C16orf95: variants seen among roughly 807,000 people sequenced by gnomAD.
The protein encoded by C16orf95 is chromosome 16 open reading frame 95.
C16orf95 carries 41 observed loss-of-function variants against 32.1 expected under a neutral mutation model. That is an observed-to-expected ratio of 1.28 (90% CI 1.00 to 1.66). C16orf95 has a LOEUF of 1.66. C16orf95 is among the 40% of genes most tolerant of loss of function. The pLI, the probability that C16orf95 is intolerant of heterozygous loss-of-function variation, is 0.00. For missense variants in C16orf95, 399 were observed against 325.9 expected (o/e 1.22, Z -1.73); for synonymous variants, 147 against 128.9 (o/e 1.14, Z -0.95).
chr16:87,304,991 T>C (rs12149477), intron 6 of C16orf95, among the ~76,000 whole-genome samples: 47,715 of 152,104 alleles, frequency 0.31, 8,613 homozygotes, highest in Non-Finnish European at 0.42. Flanking sequence ...ATCCATGCAG[T>C]GTGATGCAGG....
chr16:87,305,668 G>C lies in C16orf95; in HGVS notation c.701+51C>G. The stretch of plus-strand genomic sequence containing the variant: ...ATGGCCACCAAGCCTCCCTCAGGTG[G>C]ACGTCACCATGCCAGGGCCACCCAC... On this transcript the variant is annotated intron_variant, in intron 6 of 6. Transcript: ENST00000567970. This position sits in a 1 kb window ranked among gnomAD's most constrained non-coding sequence, Gnocchi z 4.2. 7.0e-7 allele frequency: 1 copy of C among 1,430,732 alleles called. No homozygotes were observed. Among genetic ancestry groups the C allele is most frequent in the Non-Finnish European group, 9.2e-7 (1 of 1,090,264 alleles). The allele number at this position is 1,430,732 out of a possible 1,614,324, so 88.6% of individuals were successfully genotyped here.
In C16orf95 at chr16:87,317,124, C is replaced by T; in HGVS notation, c.119G>A (p.Arg40Lys). Residue 40 changes from arginine (R) to lysine (K), a missense_variant, in exon 1 of 7, where the codon AGG becomes AAG. Arg to Lys is a conservative substitution (Grantham distance 26, BLOSUM62 2). Transcript: ENST00000567970. ...CTGCGCGCTGGGTGTGAGTGCCAACCTGCAGAGCCCGACGCACCCCGCGCC... is the reference window on the plus strand; with the variant it reads ...CTGCGCGCTGGGTGTGAGTGCCAACTTGCAGAGCCCGACGCACCCCGCGCC... ...GPGAGCVGLC[R>K]LALTPSAQDG... is the part of the protein sequence containing the mutation. 1.3e-6 allele frequency: 2 copies of T among 1,532,940 alleles called. No homozygotes were observed. The highest frequency in any genetic ancestry group is 1.7e-6 in the Non-Finnish European group (2 of 1,145,082). The allele number at this position is 1,532,940 out of a possible 1,614,324, so 95.0% of individuals were successfully genotyped here.
Position 87,303,051 on chromosome 16 carries a change from C to A in C16orf95, c.*6G>T. On this transcript the variant is annotated 3_prime_UTR_variant, in exon 7 of 7. Coordinates refer to ENST00000567970, the MANE Select transcript of C16orf95 (RefSeq NM_001195124.3). ...CTGTTCTTGACAGTAGCTGAAGATT[C>A]CAACTTCAAACCCCAAAACACTGGC... The A allele has an allele frequency of 6.5e-7, 1 of 1,536,064 alleles. No individual in the cohort carries two copies. The highest frequency in any genetic ancestry group is 8.7e-7 in the Non-Finnish European group (1 of 1,146,874).
intron 6 of C16orf95, chr16:87,303,491 TCTC>T (rs987577647): frequency 2.0e-4 from 37 of 180,622 alleles, no homozygotes; most frequent in African/African-American, 7.6e-4. Context: ...CGCCGAGGCT[TCTC>T]CTGAGATAAG....
At chr16:87,314,701 A>T (rs1242953587) in intron 3 of C16orf95, among the ~76,000 whole-genome samples, 1 of 152,164 alleles carries the variant, frequency 6.6e-6, no homozygotes, top group South Asian at 2.1e-4. Flanking sequence ...TTTTAGAAAA[A>T]ACTGTTTAAA....
At chr16:87,306,210 G>A (rs765801879) in intron 5 of C16orf95, 1 of 228,646 alleles carries the variant, frequency 4.4e-6, no homozygotes, top group African/African-American at 2.3e-5. Flanking sequence ...TTTGGAGCGG[G>A]AGTGGGTGGT....
Position 87,305,757 on chromosome 16 carries a change from G to A in C16orf95, c.663C>T (p.Thr221=). 1 of 1,518,470 alleles carries A rather than the reference G, an allele frequency of 6.6e-7. No homozygotes were observed. Among genetic ancestry groups the A allele is most frequent in the Non-Finnish European group, 8.8e-7 (1 of 1,138,416 alleles). The allele number at this position is 1,518,470 out of a possible 1,614,324, so 94.1% of individuals were successfully genotyped here. ...AARLLPLGLL[T]LLQAIPRVIM... is the part of the protein sequence containing the mutation. ...TGACCCTCGGGATGGCCTGGAGGAG[G>A]GTCAGGAGGCCGAGGGGCAGCAGAC... Residue 221 remains threonine, a synonymous_variant, in exon 6 of 7, where the codon ACC becomes ACT. Coordinates refer to ENST00000567970, the MANE Select transcript of C16orf95 (RefSeq NM_001195124.3). This position sits in a 1 kb window ranked among gnomAD's most constrained non-coding sequence, Gnocchi z 4.2.
chr16:87,310,426 C>T, intron 4 of C16orf95, 93 bp from the exon 5 acceptor site: 6 of 1,278,492 alleles, frequency 4.7e-6, no homozygotes, highest in Non-Finnish European at 6.6e-6. Flanking sequence ...AGGAGGGGCA[C>T]TGGCCAGCTC....
intron 5 of C16orf95, among the ~76,000 whole-genome samples, chr16:87,308,807 T>A (rs147572901): frequency 2.1e-3 from 327 of 152,362 alleles, no homozygotes; most frequent in Non-Finnish European, 3.9e-3. Context: ...CTGCAGCTGA[T>A]CTGGACACAA....
At chr16:87,313,687 T>G (rs1414440955) in intron 3 of C16orf95, among the ~76,000 whole-genome samples, 2 of 152,138 alleles carry the variant, frequency 1.3e-5, no homozygotes, top group Non-Finnish European at 2.9e-5. Context: ...TGAGCCATGA[T>G]TGTGCACTCC....
At chr16:87,307,444 G>A (rs1392000946) in intron 5 of C16orf95, among the ~76,000 whole-genome samples, 1 of 147,122 alleles carries the variant, frequency 6.8e-6, no homozygotes, top group Non-Finnish European at 1.5e-5. Context: ...ACTGCAAAAA[G>A]TTTGTAGAAA....
At chr16:87,314,933 G>A in intron 3 of C16orf95, 38 bp downstream of exon 3, 3 of 1,528,060 alleles carry the variant, frequency 2.0e-6, no homozygotes, top group Non-Finnish European at 2.6e-6. Flanking sequence ...CATTCACCCT[G>A]GACCCTAGGG....
intron 5 of C16orf95, among the ~76,000 whole-genome samples, chr16:87,308,480 A>AAAT (rs1465661455): frequency 1.1e-4 from 3 of 27,096 alleles, no homozygotes; most frequent in Non-Finnish European, 4.3e-4. Flanking sequence ...GCATCTCAAT[A>AAAT]AATAAATAAA....
At chr16:87,315,205 C>T (rs1484737570) in intron 2 of C16orf95, 109 bp from the exon 3 acceptor site, 2 of 1,171,012 alleles carry the variant, frequency 1.7e-6, no homozygotes, top group Non-Finnish European at 1.2e-6. Context: ...TGTCCGGGGG[C>T]AGGGTCCCCA....
chr16:87,317,337 C>T lies in C16orf95; in HGVS notation c.-95G>A. 7.0e-7 allele frequency: 1 copy of T among 1,432,996 alleles called. No homozygotes were observed. The highest frequency in any genetic ancestry group is 9.1e-7 in the Non-Finnish European group (1 of 1,093,570). 88.8% of individuals were successfully genotyped at this position (1,432,996 alleles called of 1,614,324 possible). A position where few individuals can be genotyped will look rare whatever the true frequency, so the allele number is the denominator to read the frequency against. On this transcript the variant is annotated 5_prime_UTR_variant, in exon 1 of 7. Coordinates refer to ENST00000567970, the MANE Select transcript of C16orf95 (RefSeq NM_001195124.3). ...CCTTTCCCTCCTGCCCCAGGAGGAA[C>T]CCAACCCGAGCTCAACCCCAGCCCC... is the stretch of plus-strand genomic sequence containing the variant.
intron 5 of C16orf95, 63 bp downstream of exon 5, chr16:87,310,234 T>A: frequency 6.7e-7 from 1 of 1,489,076 alleles, no homozygotes; most frequent in African/African-American, 1.4e-5. Context: ...ACCATCATGA[T>A]GCTCACGAAC....
In C16orf95 at chr16:87,317,128, A is replaced by C; in HGVS notation, c.115T>G (p.Cys39Gly). ...GCGCTGGGTGTGAGTGCCAACCTGC[A>C]GAGCCCGACGCACCCCGCGCCCGGC... is the stretch of plus-strand genomic sequence containing the variant. ...GGPGAGCVGL[C>G]RLALTPSAQD... is the part of the protein sequence containing the mutation. The change falls in exon 1 of 7, where the codon TGC (cysteine) becomes GGC (glycine). Residue 39 changes from cysteine (C) to glycine (G), a missense_variant. Cys to Gly is a radical substitution (Grantham distance 159, BLOSUM62 -3). Coordinates refer to ENST00000567970, the MANE Select transcript of C16orf95 (RefSeq NM_001195124.3). The C allele has an allele frequency of 6.5e-7, 1 of 1,533,418 alleles. No individual in the cohort carries two copies. Among genetic ancestry groups the C allele is most frequent in the Non-Finnish European group, 8.7e-7 (1 of 1,145,372 alleles). The allele number at this position is 1,533,418 out of a possible 1,614,324, so 95.0% of individuals were successfully genotyped here.
chr16:87,305,788 G>A lies in C16orf95; in HGVS notation c.632C>T (p.Ala211Val), dbSNP rs1288771402. Reference protein sequence around the residue: ...APYQDQLPAPAARLLPLGLLT... With the variant: ...APYQDQLPAPVARLLPLGLLT... ...GAGGCCGAGGGGCAGCAGACGCGCT[G>A]CAGGAGCCGGTAGCTGGTCCTGGTA... The change falls in exon 6 of 7, where the codon GCA (alanine) becomes GTA (valine). Residue 211 changes from alanine to valine, a missense_variant. Physicochemically the swap from Ala to Val is moderately conservative, Grantham distance 64. Transcript: ENST00000567970. The surrounding 1 kb of genome is among the most constrained non-coding windows in gnomAD (Gnocchi z 4.2). The A allele has an allele frequency of 2.0e-6, 3 of 1,517,806 alleles. No homozygotes were observed. Among genetic ancestry groups the A allele is most frequent in the South Asian group, 1.2e-5 (1 of 82,738 alleles). The allele number at this position is 1,517,806 out of a possible 1,614,324, so 94.0% of individuals were successfully genotyped here.
At chr16:87,311,099 G>A (rs557407793) in intron 4 of C16orf95, 51 bp downstream of exon 4, 252 of 1,379,066 alleles carry the variant, frequency 1.8e-4, no homozygotes, top group African/African-American at 3.6e-4. Context: ...CCCTTCCCCC[G>A]GCCCCCACCT....
Sources: gnomAD v4.1 joint callset for allele counts (sites outside exome capture counted in the v4.1 genomes callset) on GRCh38, gnomAD v4.1.1 for gene constraint, Gnocchi (gnomAD v3.1) non-coding constraint, MANE v1.5 for transcripts, NCBI Gene and HGNC (gene_info 2026-07-23, HGNC 2026-07-21) for gene names.